Variants in NAALADL2 observed in about 807,000 individuals in gnomAD.
NAALADL2 encodes the protein N-acetylated alpha-linked acidic dipeptidase like 2, also known as inactive N-acetylated-alpha-linked acidic dipeptidase-like protein 2.
Under a neutral mutation model 87.2 loss-of-function variants are expected in NAALADL2, and 76 were observed. That is an observed-to-expected ratio of 0.87 (90% CI 0.72 to 1.05). NAALADL2 has a LOEUF of 1.05. NAALADL2 is among the 50% of genes least tolerant of loss of function. NAALADL2 has a pLI of 0.00. For synonymous variants in NAALADL2, 354 were observed against 331.0 expected (o/e 1.07, Z -0.75); for missense variants, 1,089 against 945.8 (o/e 1.15, Z -1.99).
chr3:175,170,111 T>G (rs2108902717), intron 2 of NAALADL2, among the ~76,000 whole-genome samples: 1 of 151,996 alleles, frequency 6.6e-6, no homozygotes, highest in Admixed American at 6.6e-5. Flanking sequence ...CAATTTCTGT[T>G]ATATAAAGTG....
chr3:175,310,896 A>G (rs1758277247), intron 4 of NAALADL2, among the ~76,000 whole-genome samples: 1 of 152,038 alleles, frequency 6.6e-6, no homozygotes, highest in African/African-American at 2.4e-5. Flanking sequence ...TTTGAATATA[A>G]TCTGTTTGGT....
intron 1 of NAALADL2, among the ~76,000 whole-genome samples, chr3:175,082,175 A>G (rs527774116): frequency 3.3e-5 from 5 of 152,312 alleles, no homozygotes; most frequent in Admixed American, 3.3e-4. Flanking sequence ...TCTGTCTGAC[A>G]CCCAGTGCAC....
intron 1 of NAALADL2, among the ~76,000 whole-genome samples, chr3:174,953,114 GA>G (rs922264920): frequency 1.3e-5 from 2 of 151,944 alleles, no homozygotes; most frequent in Admixed American, 1.3e-4. Flanking sequence ...AGAAGAAATT[GA>G]GACACAGGAA....
chr3:175,327,881 T>A (rs1367625589), intron 5 of NAALADL2, among the ~76,000 whole-genome samples: 1 of 152,184 alleles, frequency 6.6e-6, no homozygotes, highest in Non-Finnish European at 1.5e-5. Flanking sequence ...AAAGAATAGA[T>A]ATTTATAACA....
chr3:175,121,749 C>T (rs969117419), intron 2 of NAALADL2, among the ~76,000 whole-genome samples: 1 of 151,792 alleles, frequency 6.6e-6, no homozygotes, highest in African/African-American at 2.4e-5. Context: ...AGCCAAGATA[C>T]CCCCAGATTC....
chr3:175,567,851 G>C (rs1205908936), intron 9 of NAALADL2, among the ~76,000 whole-genome samples: 4 of 151,840 alleles, frequency 2.6e-5, no homozygotes, highest in Non-Finnish European at 4.4e-5. Context: ...GAGTAGCTGG[G>C]ACTACAGGCG....
At chr3:175,078,996 A>G (rs551394024) in intron 1 of NAALADL2, among the ~76,000 whole-genome samples, 1 of 152,330 alleles carries the variant, frequency 6.6e-6, no homozygotes, top group Non-Finnish European at 1.5e-5. Flanking sequence ...TAACTTTTTG[A>G]GGAAACCTCA....
chr3:175,755,906 G>T (rs943795270), intron 13 of NAALADL2, among the ~76,000 whole-genome samples: 4 of 152,130 alleles, frequency 2.6e-5, no homozygotes, highest in African/African-American at 7.2e-5. Context: ...AGGCTTGTTT[G>T]GTTGGAGAGT....
intron 4 of NAALADL2, among the ~76,000 whole-genome samples, chr3:175,258,343 A>C (rs1750434412): frequency 6.7e-6 from 1 of 148,200 alleles, no homozygotes; most frequent in African/African-American, 2.5e-5. Context: ...AAAAAAAAAA[A>C]GAAAGAAACA....
At chr3:175,584,800 C>T (rs538736929) in intron 10 of NAALADL2, among the ~76,000 whole-genome samples, 7 of 152,232 alleles carry the variant, frequency 4.6e-5, no homozygotes, top group African/African-American at 1.7e-4. Flanking sequence ...AAAAGTGGTA[C>T]ACATGTATAG....
chr3:175,443,058 C>G (rs1312704231), intron 5 of NAALADL2, among the ~76,000 whole-genome samples: 1 of 152,148 alleles, frequency 6.6e-6, no homozygotes, highest in Non-Finnish European at 1.5e-5. Context: ...TCTCTCAGCT[C>G]TTCTTCAATA....
chr3:175,550,956 T>C (rs1327216214), intron 9 of NAALADL2, among the ~76,000 whole-genome samples: 2 of 152,228 alleles, frequency 1.3e-5, no homozygotes. Context: ...GGATTCAAGG[T>C]TGATTTCAAA....
intron 2 of NAALADL2, among the ~76,000 whole-genome samples, chr3:174,551,835 A>T (rs1309665956): frequency 6.6e-6 from 1 of 152,186 alleles, no homozygotes; most frequent in Non-Finnish European, 1.5e-5. Flanking sequence ...TTTTATTGAT[A>T]TTCAGTGGAA....
intron 2 of NAALADL2, among the ~76,000 whole-genome samples, chr3:175,101,428 G>A (rs1722149079): frequency 6.6e-6 from 1 of 152,176 alleles, no homozygotes; most frequent in Non-Finnish European, 1.5e-5. Flanking sequence ...TAGGACGGTT[G>A]AGAAAGCTCT....
At chr3:175,316,419 G>A (rs1005952907) in intron 4 of NAALADL2, among the ~76,000 whole-genome samples, 10 of 152,080 alleles carry the variant, frequency 6.6e-5, no homozygotes, top group South Asian at 2.1e-4. Context: ...TGGTTATGTC[G>A]TTGAGCATGG....
chr3:174,882,478 C>A (rs9881597), intron 1 of NAALADL2, among the ~76,000 whole-genome samples: 2 of 149,220 alleles, frequency 1.3e-5, no homozygotes, highest in Non-Finnish European at 3.0e-5. Context: ...TATGTGTATG[C>A]ATACATATGT....
At chr3:175,519,325 CAG>C (rs1011352514) in intron 9 of NAALADL2, among the ~76,000 whole-genome samples, 17 of 152,282 alleles carry the variant, frequency 1.1e-4, no homozygotes, top group African/African-American at 3.6e-4. Context: ...TGGCTAGACT[CAG>C]GGGAGAATGG....
chr3:175,218,925 C>T (rs1367423660), intron 2 of NAALADL2, among the ~76,000 whole-genome samples: 6 of 152,016 alleles, frequency 3.9e-5, no homozygotes, highest in Admixed American at 3.9e-4. Context: ...CCTGCCTCAG[C>T]CTCCCAAGTA....
intron 2 of NAALADL2, among the ~76,000 whole-genome samples, chr3:174,643,280 T>C (rs1171206925): frequency 6.6e-6 from 1 of 151,928 alleles, no homozygotes; most frequent in Non-Finnish European, 1.5e-5. Flanking sequence ...AGTAAGCAAA[T>C]AGGTGAATAA....
Sources: allele counts gnomAD v4.1 joint callset (sites outside exome capture counted in the v4.1 genomes callset), GRCh38; gene constraint gnomAD v4.1.1; transcripts MANE v1.5; gene names NCBI Gene and HGNC (gene_info 2026-07-23, HGNC 2026-07-21).